Variants in ANGPT1 observed in about 807,000 individuals in gnomAD.
ANGPT1 encodes the protein angiopoietin 1.
ANGPT1 carries 17 observed loss-of-function variants against 62.2 expected under a neutral mutation model. The observed-to-expected ratio is 0.27, with a 90% CI of 0.19 to 0.41. The LOEUF (loss-of-function observed/expected upper bound fraction) is 0.41, where lower values mean the gene tolerates loss of function less well. Among genes scored for constraint, ANGPT1 ranks in the 10% least tolerant of loss-of-function variants. The pLI is 1.00. For missense variants in ANGPT1, 478 were observed against 594.9 expected (o/e 0.80, Z 2.04); for synonymous variants, 199 against 198.9 (o/e 1.00, Z 0.00).
chr8:107,358,803 T>C (rs916989874), intron 1 of ANGPT1, among the ~76,000 whole-genome samples: 1 of 152,200 alleles, frequency 6.6e-6, no homozygotes, highest in Admixed American at 6.6e-5. Flanking sequence ...TGGGTTCTTA[T>C]GATCATGAAA....
chr8:107,461,365 T>C (rs1351615718), intron 1 of ANGPT1, among the ~76,000 whole-genome samples: 3 of 152,270 alleles, frequency 2.0e-5, no homozygotes, highest in East Asian at 1.9e-4. Flanking sequence ...TCACAATAGA[T>C]ACCTAAAGCA....
chr8:107,375,134 T>C (rs1816503675), intron 1 of ANGPT1, among the ~76,000 whole-genome samples: 1 of 151,242 alleles, frequency 6.6e-6, no homozygotes, highest in African/African-American at 2.4e-5. Context: ...CACTCCAGCC[T>C]GGTGACAGAG....
chr8:107,410,986 A>G (rs1159786145), intron 1 of ANGPT1, among the ~76,000 whole-genome samples: 1 of 152,156 alleles, frequency 6.6e-6, no homozygotes, highest in Non-Finnish European at 1.5e-5. Flanking sequence ...TCTTATTTTA[A>G]AGATATCATG....
At chr8:107,280,206 A>G (rs1813969482) in intron 7 of ANGPT1, among the ~76,000 whole-genome samples, 1 of 145,504 alleles carries the variant, frequency 6.9e-6, no homozygotes, top group African/African-American at 2.5e-5. Flanking sequence ...TTCTTTTTTT[A>G]TTTTTTTTTT....
At chr8:107,388,840 G>A (rs1371608846) in intron 1 of ANGPT1, among the ~76,000 whole-genome samples, 4 of 152,146 alleles carry the variant, frequency 2.6e-5, no homozygotes, top group African/African-American at 9.7e-5. Flanking sequence ...ATTAACACTA[G>A]AAGTTACTCC....
intron 3 of ANGPT1, among the ~76,000 whole-genome samples, chr8:107,332,613 T>C (rs1815450122): frequency 6.6e-6 from 1 of 152,212 alleles, no homozygotes; most frequent in South Asian, 2.1e-4. Context: ...GTTTGTGTAG[T>C]ATAATCCTAA....
intron 1 of ANGPT1, among the ~76,000 whole-genome samples, chr8:107,453,061 T>C (rs1161437743): frequency 6.6e-6 from 1 of 152,088 alleles, no homozygotes. Context: ...TAAATGATGG[T>C]GCCCAATGCT....
At position 107,467,562 on chromosome 8, in the gene ANGPT1, T is replaced by G. The variant is rs570694025; in HGVS notation, c.297+29700A>C. On this transcript the variant is annotated intron_variant, in intron 1 of 8. Transcript: ENST00000517746. ...TGATCCAGTGGTATGATAAAGCTAC[T>G]AAGAATAAAGTCTAGGTTGAAATAA... 1.5e-4 allele frequency among the ~76,000 whole-genome samples: 23 copies of G among 152,186 alleles called. 1 individual carries two copies. In the South Asian group the frequency reaches 2.9e-3, roughly 19 times the overall value.
chr8:107,483,869 A>C (rs751890089), intron 1 of ANGPT1, among the ~76,000 whole-genome samples: 51 of 152,192 alleles, frequency 3.4e-4, no homozygotes, highest in Non-Finnish European at 5.9e-4. Context: ...TAAGTAGCTC[A>C]TTTATTTAAA....
chr8:107,259,337 C>T (rs909003045), intron 8 of ANGPT1, among the ~76,000 whole-genome samples: 3 of 152,226 alleles, frequency 2.0e-5, no homozygotes, highest in East Asian at 3.9e-4. Context: ...TTTTCTTTGT[C>T]TTCTTTAAGA....
chr8:107,382,968 A>G (rs562486053), intron 1 of ANGPT1, among the ~76,000 whole-genome samples: 5 of 152,344 alleles, frequency 3.3e-5, no homozygotes, highest in African/African-American at 1.2e-4. Context: ...CCAAGCTAAT[A>G]CATTGAAGCA....
At chr8:107,377,749 C>T (rs890297865) in intron 1 of ANGPT1, among the ~76,000 whole-genome samples, 3 of 151,890 alleles carry the variant, frequency 2.0e-5, no homozygotes, top group African/African-American at 7.3e-5. Context: ...AAAATTTGAA[C>T]CTGAAAATCC....
At chr8:107,274,914 G>A (rs1235807548) in intron 7 of ANGPT1, among the ~76,000 whole-genome samples, 3 of 152,082 alleles carry the variant, frequency 2.0e-5, no homozygotes, top group Non-Finnish European at 4.4e-5. Context: ...ATAGGGAACA[G>A]CAATTACAAC....
At chr8:107,324,518 C>T (rs1182983697) in intron 3 of ANGPT1, among the ~76,000 whole-genome samples, 1 of 152,104 alleles carries the variant, frequency 6.6e-6, no homozygotes, top group African/African-American at 2.4e-5. Context: ...CGGAGAGAGC[C>T]TAGCCCTGCA....
chr8:107,475,369 A>C (rs537690279), intron 1 of ANGPT1, among the ~76,000 whole-genome samples: 1 of 152,332 alleles, frequency 6.6e-6, no homozygotes, highest in South Asian at 2.1e-4. Context: ...GTGCTGGGAA[A>C]ACTGGCTAGC....
rs1388770969 is a variant in ANGPT1, at chr8:107,249,822, T to A, written c.*2033A>T. ...ATGAGTTTGGAAATAGTATTCTTTATCCAAAAACTGGTTTAAGAAAGTGTC... is the reference window on the plus strand; with the variant it reads ...ATGAGTTTGGAAATAGTATTCTTTAACCAAAAACTGGTTTAAGAAAGTGTC... On this transcript the variant is annotated 3_prime_UTR_variant, in exon 9 of 9. Coordinates refer to ENST00000517746, the MANE Select transcript of ANGPT1 (RefSeq NM_001146.5). The A allele has an allele frequency of 6.6e-6, 1 of 152,420 alleles. No individual in the cohort carries two copies. The highest frequency in any genetic ancestry group is 1.5e-5 in the Non-Finnish European group (1 of 68,016). The allele number at this position is 152,420 out of a possible 1,614,324, so 9.4% of individuals were successfully genotyped here.
chr8:107,276,299 G>A (rs1813865156), intron 7 of ANGPT1, among the ~76,000 whole-genome samples: 1 of 152,118 alleles, frequency 6.6e-6, no homozygotes, highest in Admixed American at 6.5e-5. Context: ...GAAAACCTAT[G>A]TTAGGAATTG....
intron 1 of ANGPT1, among the ~76,000 whole-genome samples, chr8:107,488,494 T>C (rs1812873224): frequency 6.6e-6 from 1 of 152,192 alleles, no homozygotes; most frequent in African/African-American, 2.4e-5. Context: ...TGCGGAATAA[T>C]TCATTTGAAA....
intron 1 of ANGPT1, among the ~76,000 whole-genome samples, chr8:107,398,708 T>C (rs1816985679): frequency 6.6e-6 from 1 of 152,144 alleles, no homozygotes; most frequent in Admixed American, 6.5e-5. Flanking sequence ...TACATTCATG[T>C]GCTATTACAA....
Sources: gnomAD v4.1 joint callset for allele counts (sites outside exome capture counted in the v4.1 genomes callset) on GRCh38, gnomAD v4.1.1 for gene constraint, MANE v1.5 for transcripts, NCBI Gene and HGNC (gene_info 2026-07-23, HGNC 2026-07-21) for gene names.